B9D1: variants seen among roughly 807,000 people sequenced by gnomAD.
B9D1 encodes the protein B9 domain-containing protein 1.
In B9D1, 20 loss-of-function variants were observed where a neutral mutation model predicts 26.1. The ratio of observed to expected loss-of-function variants is 0.77; its 90% CI spans 0.54 to 1.12. The LOEUF (loss-of-function observed/expected upper bound fraction) is 1.12, where lower values mean the gene tolerates loss of function less well. Among genes scored for constraint, B9D1 ranks in the 50% most tolerant of loss-of-function variants. The pLI is 0.00. For synonymous variants in B9D1, 105 were observed against 103.1 expected (o/e 1.02, Z -0.11); for missense variants, 260 against 273.7 (o/e 0.95, Z 0.35).
chr17:19,343,185 T>C lies in B9D1; in HGVS notation c.*134A>G. 6.7e-7 allele frequency: 1 copy of C among 1,486,734 alleles called. No individual in the cohort carries two copies. Among genetic ancestry groups the C allele is most frequent in the Non-Finnish European group, 8.9e-7 (1 of 1,124,938 alleles). The allele number at this position is 1,486,734 out of a possible 1,614,324, so 92.1% of individuals were successfully genotyped here. A position where few individuals can be genotyped will look rare whatever the true frequency, so the allele number is the denominator to read the frequency against. ...GCCCCAGGCCTAGGCTCTCTGAAAA[T>C]GAGACTTTATTATACAAAACTATTC... On this transcript the variant is annotated 3_prime_UTR_variant, in exon 7 of 7. Coordinates refer to ENST00000261499, the MANE Select transcript of B9D1 (RefSeq NM_015681.6).
At chr17:19,362,015 T>C (rs1911142526) in intron 1 of B9D1, among the ~76,000 whole-genome samples, 1 of 152,142 alleles carries the variant, frequency 6.6e-6, no homozygotes, top group Non-Finnish European at 1.5e-5. Context: ...GGATGGGGAA[T>C]AGCGTCCCTC....
intron 1 of B9D1, 37 bp downstream of exon 1, chr17:19,362,470 T>TG (rs1911232549): frequency 4.0e-6 from 6 of 1,499,778 alleles, no homozygotes; most frequent in Non-Finnish European, 5.4e-6. Context: ...CGGGGGACGC[T>TG]GGGGGGCGGG....
upstream of B9D1, among the ~76,000 whole-genome samples, chr17:19,365,224 G>A (rs562735705): frequency 6.6e-6 from 1 of 152,378 alleles, no homozygotes; most frequent in Admixed American, 6.5e-5. The surrounding 1 kb of genome is among the most constrained non-coding windows in gnomAD (Gnocchi z 5.0). Context: ...GGGCCCTGCT[G>A]AGGACAAGAG....
At chr17:19,341,133 T>G, downstream of B9D1, 1 of 1,228,972 alleles carries the variant, frequency 8.1e-7, no homozygotes, top group Non-Finnish European at 1.0e-6. Context: ...AAATTAAACA[T>G]AACCAGAAGA....
At chr17:19,346,904 A>C in intron 5 of B9D1, 1 of 1,435,340 alleles carries the variant, frequency 7.0e-7, no homozygotes, top group South Asian at 1.5e-5. Flanking sequence ...ATGTAAAGGC[A>C]TTTATCATGA....
At position 19,373,262 on chromosome 17, in the gene B9D1, A is replaced by G. The variant is rs574176989; in HGVS notation, c.-298+4597T>C. On this transcript the variant is annotated intron_variant, in intron 1 of 5. Coordinates refer to the B9D1 transcript ENST00000477478. ...TAATTACCATATCACAGATGACTAAAAGAGTCTCAAAGCACATCAGCACCC... is the reference window on the plus strand; with the variant it reads ...TAATTACCATATCACAGATGACTAAGAGAGTCTCAAAGCACATCAGCACCC... Among the ~76,000 whole-genome samples the G allele has an allele frequency of 1.7e-4, 26 of 152,264 alleles. No individual in the cohort carries two copies. In the South Asian group the frequency reaches 3.3e-3, roughly 19 times the overall value.
chr17:19,367,017 C>T (rs1444415564), upstream of B9D1, among the ~76,000 whole-genome samples: 6 of 152,170 alleles, frequency 3.9e-5, no homozygotes, highest in South Asian at 4.2e-4. Flanking sequence ...AGGGCGGTCA[C>T]GAGACATGTA....
At chr17:19,365,896 A>C (rs1911569667), upstream of B9D1, among the ~76,000 whole-genome samples, 1 of 150,812 alleles carries the variant, frequency 6.6e-6, no homozygotes, top group Non-Finnish European at 1.5e-5. The surrounding 1 kb of genome is among the most constrained non-coding windows in gnomAD (Gnocchi z 5.0). Context: ...AGGTGTATAC[A>C]TTGCAGCTAT....
chr17:19,360,552 G>A (rs1006491890), intron 1 of B9D1, among the ~76,000 whole-genome samples, 164 bp from the exon 2 acceptor site: 5 of 152,156 alleles, frequency 3.3e-5, no homozygotes, highest in African/African-American at 7.2e-5. Flanking sequence ...ACCAAGAAGC[G>A]GGAGTCCACG....
At position 19,371,636 on chromosome 17, in the gene B9D1, G is replaced by A. The variant is rs544967401; in HGVS notation, c.-298+6223C>T. ...TTCCATTGGTGCCTGCAATACCCCT[G>A]TTGGGAAGAGACAGTGTCCTTGGCA... On this transcript the variant is annotated intron_variant, in intron 1 of 5. Transcript: ENST00000477478. 2.3e-3 allele frequency: 349 copies of A among 152,444 alleles called. 4 individuals are homozygous for A. Among genetic ancestry groups the A allele is most frequent in the Non-Finnish European group, 3.7e-3 (254 of 68,130 alleles). The allele number at this position is 152,444 out of a possible 1,614,324, so 9.4% of individuals were successfully genotyped here.
upstream of B9D1, among the ~76,000 whole-genome samples, chr17:19,365,150 G>A (rs529722297): frequency 1.4e-4 from 21 of 152,398 alleles, no homozygotes; most frequent in African/African-American, 5.0e-4. This position sits in a 1 kb window ranked among gnomAD's most constrained non-coding sequence, Gnocchi z 5.0. Flanking sequence ...CAGCGCTGGT[G>A]AGCGACGGAG....
intron 1 of B9D1, among the ~76,000 whole-genome samples, chr17:19,361,968 T>G (rs1049883700): frequency 6.6e-6 from 1 of 152,148 alleles, no homozygotes; most frequent in Non-Finnish European, 1.5e-5. Context: ...GAGCGTTGGT[T>G]TATATTTACA....
At position 19,368,860 on chromosome 17, in the gene B9D1, G is replaced by A. The variant is rs577192865; in HGVS notation, c.-297-8472C>T. On this transcript the variant is annotated intron_variant, in intron 1 of 5. Transcript: ENST00000477478. ...TACTTGGGAGGCTGAGGCGGGAGGA[G>A]CACTTGAGCCAGGGTTTGAGGATGC... Among the ~76,000 whole-genome samples, 305 of 152,192 alleles carry A rather than the reference G, an allele frequency of 2.0e-3. 3 individuals carry two copies. The highest frequency in any genetic ancestry group is 0.017 in the Middle Eastern group (5 of 294).
chr17:19,349,671 C>G (rs1167697147), intron 3 of B9D1, among the ~76,000 whole-genome samples: 2 of 152,186 alleles, frequency 1.3e-5, no homozygotes, highest in African/African-American at 4.8e-5. Context: ...TGTGAGTCAC[C>G]TTGCCTGGCC....
chr17:19,342,183 G>A (rs1317018075), downstream of B9D1, among the ~76,000 whole-genome samples: 1 of 152,220 alleles, frequency 6.6e-6, no homozygotes, highest in African/African-American at 2.4e-5. Context: ...AGGGTACTGA[G>A]TGGGCTTCAG....
In B9D1 at chr17:19,352,460, T is replaced by C. The variant is rs543596898; in HGVS notation, c.245-4580A>G. 9.0e-4 allele frequency among the ~76,000 whole-genome samples: 136 copies of C among 150,484 alleles called. 2 individuals carry two copies. The highest frequency in any genetic ancestry group is 3.2e-3 in the African/African-American group (132 of 41,052). On this transcript the variant is annotated intron_variant, in intron 3 of 6. Coordinates refer to ENST00000261499, the MANE Select transcript of B9D1 (RefSeq NM_015681.6). ...CCCAGGATCAAGTGATTCTCCTGCC[T>C]CACTCAGCCTCCCCATTAGCTGGGA...
chr17:19,357,842 C>T lies in B9D1; in HGVS notation c.242G>A (p.Gly81Asp). The T allele has an allele frequency of 6.2e-7, 1 of 1,613,266 alleles. No homozygotes were observed. Among genetic ancestry groups the T allele is most frequent in the Non-Finnish European group, 8.5e-7 (1 of 1,179,544 alleles). ...CCACAGGGCCCCTGCAGACTCACAG[C>T]CGTAGGGGTTGGTGCTTTTAAAGGT... ...DVTFKSTNPY[G>D]WPQIVLSVYG... The change falls in exon 3 of 7, where the codon GGC becomes GAC. Residue 81 changes from glycine to aspartate, a missense_variant and splice_region_variant. Coordinates refer to ENST00000261499, the MANE Select transcript of B9D1 (RefSeq NM_015681.6).
chr17:19,366,953 C>T (rs1911621256), upstream of B9D1, among the ~76,000 whole-genome samples: 1 of 152,138 alleles, frequency 6.6e-6, no homozygotes. Flanking sequence ...GCAGACAAAT[C>T]TGGTTTCTCA....
At chr17:19,339,223 TTA>T (rs913483691), downstream of B9D1, among the ~76,000 whole-genome samples, 4 of 152,190 alleles carry the variant, frequency 2.6e-5, no homozygotes, top group Admixed American at 2.6e-4. Flanking sequence ...CTAATTTTTT[TTA>T]GATTGTTGCC....
Sources: allele counts gnomAD v4.1 joint callset (sites outside exome capture counted in the v4.1 genomes callset), GRCh38; gene constraint gnomAD v4.1.1; non-coding constraint Gnocchi (gnomAD v3.1); transcripts MANE v1.5; gene names NCBI Gene and HGNC (gene_info 2026-07-23, HGNC 2026-07-21).